The following KIAA1217 variants were observed in gnomAD, a reference collection of about 807,000 sequenced individuals.
The protein encoded by KIAA1217 is sickle tail protein homolog.
In KIAA1217, 88 loss-of-function variants were observed where a neutral mutation model predicts 163.9. That is an observed-to-expected ratio of 0.54 (90% CI 0.45 to 0.64). The LOEUF (loss-of-function observed/expected upper bound fraction) is 0.64. KIAA1217 is among the 30% of genes least tolerant of loss of function. KIAA1217 has a pLI of 0.00. For synonymous variants in KIAA1217, 903 were observed against 923.1 expected (o/e 0.98, Z 0.39); for missense variants, 2,372 against 2,475.0 (o/e 0.96, Z 0.88).
At chr10:24,125,957 C>T (rs1231940283) in intron 2 of KIAA1217, among the ~76,000 whole-genome samples, 1 of 152,052 alleles carries the variant, frequency 6.6e-6, no homozygotes, top group Non-Finnish European at 1.5e-5. Context: ...TTGTCTCTGC[C>T]TGCTTTTAAG....
At chr10:24,358,725 A>T (rs2049466003) in intron 2 of KIAA1217, among the ~76,000 whole-genome samples, 1 of 152,202 alleles carries the variant, frequency 6.6e-6, no homozygotes, top group Non-Finnish European at 1.5e-5. Flanking sequence ...GTCACCCTGT[A>T]TATGACAGGT....
At chr10:24,121,544 T>G (rs2063281986) in intron 2 of KIAA1217, among the ~76,000 whole-genome samples, 1 of 152,178 alleles carries the variant, frequency 6.6e-6, no homozygotes, top group Admixed American at 6.5e-5. Flanking sequence ...TCTTTCAAAT[T>G]GTCAGAAATG....
Position 24,219,606 on chromosome 10 carries a change from C to T in KIAA1217, c.71-20C>T, listed in dbSNP as rs746777611. 66 of 1,551,318 alleles carry T rather than the reference C, an allele frequency of 4.3e-5. No individual in the cohort carries two copies. The East Asian group carries it at 1.3e-3, about 30-fold the overall frequency. ...TAGTGTGAAATCATTAATTGTGAAC[C>T]GAATTTTTTTGTCTTTCAGAACAAG... On this transcript the variant is annotated intron_variant, in intron 1 of 20. Transcript: ENST00000376454.
At position 24,119,872 on chromosome 10, in the gene KIAA1217, T is replaced by C. The variant is rs530961774; in HGVS notation, c.-170-99754T>C. 7.2e-5 allele frequency among the ~76,000 whole-genome samples: 11 copies of C among 152,300 alleles called. No individual in the cohort carries two copies. The East Asian group carries it at 2.1e-3, about 29-fold the overall frequency. On this transcript the variant is annotated intron_variant, in intron 2 of 18. Coordinates refer to the KIAA1217 transcript ENST00000376462. ...GAACATTAAAATGATCTGTGCTTCC[T>C]ACACATCCCAGGTCCCCTAAGTCAC... is the stretch of plus-strand genomic sequence containing the variant.
At position 24,521,765 on chromosome 10, in the gene KIAA1217, C is replaced by A; in HGVS notation, c.2309-17C>A. The A allele has an allele frequency of 6.2e-7, 1 of 1,605,818 alleles. No homozygotes were observed. Among genetic ancestry groups the A allele is most frequent in the Non-Finnish European group, 8.5e-7 (1 of 1,176,062 alleles). On this transcript the variant is annotated splice_polypyrimidine_tract_variant and intron_variant, in intron 11 of 20. Coordinates refer to ENST00000376454, the MANE Select transcript of KIAA1217 (RefSeq NM_019590.5). ...GGCTTTTTCTCCTCCAATTCACCTG[C>A]TGGTTTGGGCCTGCAGGAGAATTTC...
intron 3 of KIAA1217, among the ~76,000 whole-genome samples, chr10:24,418,602 T>C (rs1189642575): frequency 6.6e-6 from 1 of 152,220 alleles, no homozygotes; most frequent in South Asian, 2.1e-4. Flanking sequence ...ACCAATACTT[T>C]AGCACACAAG....
At chr10:23,787,118 A>C (rs1368958009) in intron 1 of KIAA1217, among the ~76,000 whole-genome samples, 1 of 152,200 alleles carries the variant, frequency 6.6e-6, no homozygotes, top group Non-Finnish European at 1.5e-5. Flanking sequence ...AGTTTAATAC[A>C]TTTTGTAAAT....
At chr10:23,886,462 T>C (rs375354313) in intron 1 of KIAA1217, among the ~76,000 whole-genome samples, 109 of 152,088 alleles carry the variant, frequency 7.2e-4, no homozygotes, top group African/African-American at 2.4e-3. Context: ...ATTGCAGAAA[T>C]AGCCATGTCA....
At chr10:24,435,619 A>G (rs1478929301) in intron 4 of KIAA1217, among the ~76,000 whole-genome samples, 3 of 152,210 alleles carry the variant, frequency 2.0e-5, no homozygotes, top group Admixed American at 6.5e-5. Flanking sequence ...ACAATGAGTC[A>G]CCATTTTCTA....
chr10:23,917,240 C>G (rs1341208637), intron 1 of KIAA1217, among the ~76,000 whole-genome samples: 1 of 152,190 alleles, frequency 6.6e-6, no homozygotes, highest in African/African-American at 2.4e-5. Flanking sequence ...CAGACCTCCA[C>G]TGAGTCCATA....
chr10:23,781,145 A>G (rs1050123062), intron 1 of KIAA1217, among the ~76,000 whole-genome samples: 1 of 152,230 alleles, frequency 6.6e-6, no homozygotes, highest in Non-Finnish European at 1.5e-5. Context: ...TTATTGGGTC[A>G]TGTAGTAGTT....
intron 9 of KIAA1217, among the ~76,000 whole-genome samples, chr10:24,502,529 G>A (rs1409980760): frequency 6.6e-6 from 1 of 152,106 alleles, no homozygotes; most frequent in South Asian, 2.1e-4. Flanking sequence ...TGTCTCCTGG[G>A]TAATAAGGAG....
chr10:24,495,274 A>T (rs2066650492), intron 8 of KIAA1217, 78 bp downstream of exon 8: 1 of 1,158,628 alleles, frequency 8.6e-7, no homozygotes, highest in African/African-American at 1.6e-5. Flanking sequence ...GAAATGTTTA[A>T]CATTTCCCTA....
chr10:24,418,278 C>T (rs1185915486), intron 3 of KIAA1217, among the ~76,000 whole-genome samples: 1 of 152,070 alleles, frequency 6.6e-6, no homozygotes, highest in Non-Finnish European at 1.5e-5. Flanking sequence ...TTCCTTTCCA[C>T]TTGGAAAGTA....
At chr10:24,399,775 A>G (rs1029462414) in intron 3 of KIAA1217, among the ~76,000 whole-genome samples, 1 of 152,242 alleles carries the variant, frequency 6.6e-6, no homozygotes, top group African/African-American at 2.4e-5. Flanking sequence ...TTCTAGCAAT[A>G]TAGCAGCATG....
chr10:23,792,154 G>C (rs774766506), intron 1 of KIAA1217, among the ~76,000 whole-genome samples: 11 of 152,206 alleles, frequency 7.2e-5, no homozygotes, highest in Non-Finnish European at 1.5e-4. Context: ...CAGGACACTG[G>C]AGGACAAAAC....
At chr10:23,926,270 C>A (rs989935992) in intron 1 of KIAA1217, among the ~76,000 whole-genome samples, 21 of 152,176 alleles carry the variant, frequency 1.4e-4, no homozygotes, top group African/African-American at 5.1e-4. Context: ...CACTTAATTT[C>A]TCTGCATACA....
In KIAA1217 at chr10:24,096,050, G is replaced by A. The variant is rs530524560; in HGVS notation, c.-171+88676G>A. Among the ~76,000 whole-genome samples the A allele has an allele frequency of 3.9e-5, 6 of 152,338 alleles. No individual in the cohort carries two copies. The South Asian group carries it at 1.2e-3, about 32-fold the overall frequency. On this transcript the variant is annotated intron_variant, in intron 2 of 18. Transcript: ENST00000376462. ...TTGAGACCAGGAATTCAAGCCTGCA[G>A]TGAGCTGTGATTGCACCACTGTATT... is the stretch of plus-strand genomic sequence containing the variant.
At chr10:23,967,254 G>A (rs947563211) in intron 1 of KIAA1217, among the ~76,000 whole-genome samples, 2 of 152,058 alleles carry the variant, frequency 1.3e-5, no homozygotes, top group East Asian at 1.9e-4. Flanking sequence ...AGTCCAGTTC[G>A]ATAAGTAGAA....
Sources: gnomAD v4.1 joint callset for allele counts (sites outside exome capture counted in the v4.1 genomes callset) on GRCh38, gnomAD v4.1.1 for gene constraint, MANE v1.5 for transcripts, NCBI Gene and HGNC (gene_info 2026-07-23, HGNC 2026-07-21) for gene names.